The following RNF144A variants were observed in gnomAD, a reference collection of about 807,000 sequenced individuals.
RNF144A encodes ring finger protein 144A, also known as E3 ubiquitin-protein ligase RNF144A.
In RNF144A, 11 loss-of-function variants were observed where a neutral mutation model predicts 38.7. The ratio of observed to expected loss-of-function variants is 0.28; its 90% CI spans 0.18 to 0.47. RNF144A has a LOEUF of 0.47. Among genes scored for constraint, RNF144A ranks in the 20% least tolerant of loss-of-function variants. The pLI, the probability that RNF144A is intolerant of heterozygous loss-of-function variation, is 0.99. For synonymous variants in RNF144A, 149 were observed against 143.9 expected (o/e 1.04, Z -0.25); for missense variants, 316 against 377.2 (o/e 0.84, Z 1.34).
At chr2:6,981,542 C>T (rs1331434583) in intron 2 of RNF144A, among the ~76,000 whole-genome samples, 1 of 152,190 alleles carries the variant, frequency 6.6e-6, no homozygotes, top group African/African-American at 2.4e-5. Flanking sequence ...TTTACTAAAG[C>T]ATAGTGAGAG....
Position 7,043,033 on chromosome 2 carries a change from A to C in RNF144A, c.*3273A>C, listed in dbSNP as rs1673146162. 1 of 481,768 alleles carries C rather than the reference A, an allele frequency of 2.1e-6. No individual in the cohort carries two copies. Among genetic ancestry groups the C allele is most frequent in the African/African-American group, 2.1e-5 (1 of 47,312 alleles). 29.8% of individuals were successfully genotyped at this position (481,768 alleles called of 1,614,324 possible). On this transcript the variant is annotated 3_prime_UTR_variant, in exon 9 of 9. Transcript: ENST00000320892. ...CAGGCACCCACCACCTCACCCAGCT[A>C]ATTTTTGTATTTTCAGTAGAGACGG... is the stretch of plus-strand genomic sequence containing the variant.
chr2:7,048,314 A>G (rs1410316225), downstream of RNF144A, among the ~76,000 whole-genome samples: 1 of 152,224 alleles, frequency 6.6e-6, no homozygotes, highest in Non-Finnish European at 1.5e-5. Flanking sequence ...CGCAGGACAA[A>G]CACTGCGCTT....
At chr2:6,957,402 G>T (rs2103323838) in intron 2 of RNF144A, among the ~76,000 whole-genome samples, 1 of 152,334 alleles carries the variant, frequency 6.6e-6, no homozygotes, top group South Asian at 2.1e-4. Context: ...TGTTATATTT[G>T]TGCAAAAGTG....
intron 8 of RNF144A, among the ~76,000 whole-genome samples, chr2:7,035,734 T>C (rs1558452858): frequency 6.6e-6 from 1 of 152,230 alleles, no homozygotes; most frequent in Non-Finnish European, 1.5e-5. Flanking sequence ...AAGATTATTC[T>C]AAGAGATTTG....
chr2:6,926,612 T>G (rs540673507), intron 1 of RNF144A, among the ~76,000 whole-genome samples: 1 of 152,306 alleles, frequency 6.6e-6, no homozygotes, highest in East Asian at 1.9e-4. Context: ...CAGTGTGGGC[T>G]GGGAATCCCA....
chr2:6,921,416 G>A (rs138996315), intron 1 of RNF144A, among the ~76,000 whole-genome samples: 1 of 152,208 alleles, frequency 6.6e-6, no homozygotes, highest in African/African-American at 2.4e-5. Flanking sequence ...ACTCATTATG[G>A]ATTTGCCTGA....
downstream of RNF144A, among the ~76,000 whole-genome samples, chr2:7,070,218 A>G (rs13414903): frequency 0.3 from 45,822 of 152,018 alleles, 7,609 homozygotes; most frequent in East Asian, 0.49. Context: ...TACCCAGTCT[A>G]TAGTACAGTG....
chr2:6,975,127 T>G (rs1483076482), intron 2 of RNF144A, among the ~76,000 whole-genome samples: 2 of 152,214 alleles, frequency 1.3e-5, no homozygotes, highest in Admixed American at 1.3e-4. Flanking sequence ...ATAGGTTTAA[T>G]TGGACTGACA....
At chr2:7,018,845 A>G (rs745566890) in intron 5 of RNF144A, among the ~76,000 whole-genome samples, 1 of 151,550 alleles carries the variant, frequency 6.6e-6, no homozygotes, top group Non-Finnish European at 1.5e-5. Context: ...ATCTTCTGCC[A>G]CCCCTAACAT....
At chr2:6,937,201 T>C (rs1335226292) in intron 1 of RNF144A, among the ~76,000 whole-genome samples, 1 of 152,226 alleles carries the variant, frequency 6.6e-6, no homozygotes, top group Non-Finnish European at 1.5e-5. Context: ...ACATGCAGCT[T>C]GGCTGGAGGC....
chr2:7,005,456 G>A (rs1214805997), intron 3 of RNF144A, among the ~76,000 whole-genome samples: 1 of 152,180 alleles, frequency 6.6e-6, no homozygotes, highest in East Asian at 1.9e-4. Flanking sequence ...ATGGGGAGAA[G>A]GCTGACTTGG....
chr2:6,922,266 C>T (rs1189614130), intron 1 of RNF144A, among the ~76,000 whole-genome samples: 9 of 152,192 alleles, frequency 5.9e-5, no homozygotes, highest in East Asian at 5.8e-4. Context: ...ACATTAGCCC[C>T]GTGCATGTGC....
chr2:6,950,410 G>A (rs1309342878), intron 2 of RNF144A, among the ~76,000 whole-genome samples: 8 of 152,130 alleles, frequency 5.3e-5, no homozygotes, highest in Admixed American at 1.3e-4. Flanking sequence ...TAATGTTGGC[G>A]TCGATTTCTT....
intron 7 of RNF144A, among the ~76,000 whole-genome samples, chr2:7,028,081 G>T (rs1452756446): frequency 6.6e-6 from 1 of 151,988 alleles, no homozygotes; most frequent in Non-Finnish European, 1.5e-5. Context: ...TATGAAGGAG[G>T]CTGCATGGCT....
chr2:6,978,660 G>C (rs1668451627), intron 2 of RNF144A: 1 of 152,618 alleles, frequency 6.6e-6, no homozygotes, highest in Admixed American at 6.5e-5. Context: ...TCATGTTCAA[G>C]TCCCTCGAGG....
intron 6 of RNF144A, among the ~76,000 whole-genome samples, chr2:7,055,425 G>T (rs1313256000): frequency 6.6e-6 from 1 of 152,118 alleles, no homozygotes; most frequent in East Asian, 1.9e-4. Flanking sequence ...CTCCTTCCCT[G>T]CAGCTCCATA....
chr2:6,949,781 G>A (rs1558376260), intron 2 of RNF144A, among the ~76,000 whole-genome samples: 1 of 152,006 alleles, frequency 6.6e-6, no homozygotes, highest in South Asian at 2.1e-4. Flanking sequence ...TTGTATTTGA[G>A]TTCTAAAAGT....
At chr2:7,037,853 T>G (rs942946135) in intron 8 of RNF144A, among the ~76,000 whole-genome samples, 1 of 152,142 alleles carries the variant, frequency 6.6e-6, no homozygotes, top group African/African-American at 2.4e-5. Context: ...CAGGGAGAAG[T>G]GAAGGCTGAG....
intron 6 of RNF144A, among the ~76,000 whole-genome samples, chr2:7,024,051 A>G (rs1401706671): frequency 6.6e-6 from 1 of 152,224 alleles, no homozygotes; most frequent in Non-Finnish European, 1.5e-5. Flanking sequence ...TATGATTCAG[A>G]TACCTCCGTT....
Sources: gnomAD v4.1 joint callset for allele counts (sites outside exome capture counted in the v4.1 genomes callset) on GRCh38, gnomAD v4.1.1 for gene constraint, MANE v1.5 for transcripts, NCBI Gene and HGNC (gene_info 2026-07-23, HGNC 2026-07-21) for gene names.